LRRC8C: variants seen among roughly 807,000 people sequenced by gnomAD.
The protein encoded by LRRC8C is leucine rich repeat containing 8 VRAC subunit C, also known as volume-regulated anion channel subunit LRRC8C.
LRRC8C carries 20 observed loss-of-function variants against 55.3 expected under a neutral mutation model. The observed-to-expected ratio is 0.36, with a 90% CI of 0.25 to 0.53. The LOEUF (loss-of-function observed/expected upper bound fraction) is 0.53, where lower values mean the gene tolerates loss of function less well. Among genes scored for constraint, LRRC8C ranks in the 20% least tolerant of loss-of-function variants. LRRC8C has a pLI of 0.92. For missense variants in LRRC8C, 659 were observed against 951.4 expected (o/e 0.69, Z 4.04); for synonymous variants, 376 against 360.7 (o/e 1.04, Z -0.48).
At chr1:89,617,219 G>GT in the LRRC8C span, among the ~76,000 whole-genome samples, 1 of 152,066 alleles carries the variant, frequency 6.6e-6, no homozygotes, top group East Asian at 1.9e-4. Flanking sequence ...CTAGGCTTGG[G>GT]TTTTTTTGCC....
At chr1:89,682,037 C>T (rs921656057) in intron 1 of LRRC8C, among the ~76,000 whole-genome samples, 2 of 152,074 alleles carry the variant, frequency 1.3e-5, no homozygotes, top group African/African-American at 2.4e-5. Context: ...ATTAGCCAGG[C>T]GTGGTGGCAG....
the LRRC8C span, among the ~76,000 whole-genome samples, chr1:89,627,314 T>C: frequency 6.6e-6 from 1 of 151,682 alleles, no homozygotes; most frequent in African/African-American, 2.4e-5. Context: ...TAATAATATT[T>C]CTCATGTGAA....
At chr1:89,707,195 T>G (rs111286011) in intron 2 of LRRC8C, among the ~76,000 whole-genome samples, 7,161 of 151,552 alleles carry the variant, frequency 0.047, 613 homozygotes, top group African/African-American at 0.17. Flanking sequence ...TCACTTGAGG[T>G]CAGGAGTTCA....
At chr1:89,664,644 T>A (rs935992057) in intron 1 of LRRC8C, among the ~76,000 whole-genome samples, 2 of 152,232 alleles carry the variant, frequency 1.3e-5, no homozygotes, top group Non-Finnish European at 2.9e-5. Flanking sequence ...TGGTTCCATA[T>A]GAAATTTAAA....
upstream of LRRC8C, among the ~76,000 whole-genome samples, chr1:89,631,265 G>A (rs1417597108): frequency 1.3e-5 from 2 of 152,110 alleles, no homozygotes; most frequent in Non-Finnish European, 2.9e-5. Flanking sequence ...GGAGGGGGCA[G>A]ATAAAAAGAA....
At chr1:89,649,893 T>G (rs1481065580) in intron 1 of LRRC8C, among the ~76,000 whole-genome samples, 1 of 152,194 alleles carries the variant, frequency 6.6e-6, no homozygotes. Flanking sequence ...TGTTTCAAAG[T>G]GAATTCATTT....
chr1:89,643,060 C>A (rs1656512654), intron 1 of LRRC8C, among the ~76,000 whole-genome samples: 1 of 150,962 alleles, frequency 6.6e-6, no homozygotes, highest in South Asian at 2.1e-4. Flanking sequence ...AATTATATAC[C>A]AGTAGGAAGG....
intron 1 of LRRC8C, among the ~76,000 whole-genome samples, chr1:89,658,520 A>ATCAC (rs1225699651): frequency 3.9e-5 from 6 of 152,202 alleles, no homozygotes; most frequent in African/African-American, 1.4e-4. Flanking sequence ...AGGTGGTAGA[A>ATCAC]TCACTACATT....
At chr1:89,697,943 TA>T (rs1053419601) in intron 2 of LRRC8C, among the ~76,000 whole-genome samples, 1 of 152,212 alleles carries the variant, frequency 6.6e-6, no homozygotes, top group Non-Finnish European at 1.5e-5. Context: ...TGAACATTAA[TA>T]GTATGTATTG....
intron 1 of LRRC8C, among the ~76,000 whole-genome samples, chr1:89,685,236 A>C (rs1024987297): frequency 8.8e-5 from 13 of 147,322 alleles, no homozygotes; most frequent in Non-Finnish European, 1.8e-4. Context: ...CTCCTGCCTC[A>C]GCCTCCCGAG....
chr1:89,684,146 T>A (rs1657804899), intron 1 of LRRC8C, among the ~76,000 whole-genome samples: 1 of 152,186 alleles, frequency 6.6e-6, no homozygotes. Context: ...ATGTAACCCA[T>A]GTAAATACTT....
At chr1:89,654,941 C>CA (rs956827561) in intron 1 of LRRC8C, among the ~76,000 whole-genome samples, 3 of 150,898 alleles carry the variant, frequency 2.0e-5, no homozygotes, top group African/African-American at 7.3e-5. Flanking sequence ...CTCCTAGGCC[C>CA]AAGTGATCCT....
chr1:89,658,043 C>A (rs2101207506), intron 1 of LRRC8C, among the ~76,000 whole-genome samples: 1 of 152,080 alleles, frequency 6.6e-6, no homozygotes, highest in African/African-American at 2.4e-5. Flanking sequence ...TTCAAAAAGC[C>A]CCCTTGTGCC....
chr1:89,694,790 G>T (rs925968431), intron 2 of LRRC8C, among the ~76,000 whole-genome samples: 3 of 151,556 alleles, frequency 2.0e-5, no homozygotes, highest in African/African-American at 7.3e-5. Flanking sequence ...CTTTCACCAT[G>T]TTGGCCAGAA....
intron 1 of LRRC8C, among the ~76,000 whole-genome samples, chr1:89,657,209 A>C (rs1262379908): frequency 6.6e-6 from 1 of 152,166 alleles, no homozygotes; most frequent in Non-Finnish European, 1.5e-5. Flanking sequence ...CAATAACAGG[A>C]GTCTTTTTTG....
At chr1:89,625,378 CT>C in the LRRC8C span, among the ~76,000 whole-genome samples, 5 of 152,246 alleles carry the variant, frequency 3.3e-5, no homozygotes, top group East Asian at 9.7e-4. Flanking sequence ...AGAAATATGA[CT>C]GGAATCCAGG....
intron 1 of LRRC8C, among the ~76,000 whole-genome samples, chr1:89,655,402 G>A (rs772062914): frequency 2.0e-5 from 3 of 151,994 alleles, no homozygotes; most frequent in Non-Finnish European, 4.4e-5. Flanking sequence ...TCCTTTGATT[G>A]TGTATTTGTC....
intron 1 of LRRC8C, among the ~76,000 whole-genome samples, chr1:89,665,241 G>A (rs1449300713): frequency 3.3e-5 from 5 of 151,982 alleles, no homozygotes; most frequent in East Asian, 3.9e-4. Flanking sequence ...GCTTTTGCCC[G>A]TTCATTATGA....
intron 2 of LRRC8C, among the ~76,000 whole-genome samples, chr1:89,699,247 G>T (rs1658253952): frequency 6.6e-6 from 1 of 152,164 alleles, no homozygotes; most frequent in Non-Finnish European, 1.5e-5. Flanking sequence ...GGATAAGTAG[G>T]TATAGCTCAG....
Sources: gnomAD v4.1 joint callset for allele counts (sites outside exome capture counted in the v4.1 genomes callset) on GRCh38, gnomAD v4.1.1 for gene constraint, MANE v1.5 for transcripts, NCBI Gene and HGNC (gene_info 2026-07-23, HGNC 2026-07-21) for gene names.